KALRN: variants seen among roughly 807,000 people sequenced by gnomAD.
KALRN encodes the protein kalirin RhoGEF kinase.
A neutral mutation model predicts 353.7 loss-of-function variants in KALRN; 70 were observed. The ratio of observed to expected loss-of-function variants is 0.20; its 90% confidence interval spans 0.16 to 0.24. KALRN has a LOEUF of 0.24. Among genes scored for constraint, KALRN ranks in the 10% least tolerant of loss-of-function variants. The pLI is 1.00. For synonymous variants in KALRN, 1,391 were observed against 1,434.8 expected (o/e 0.97, Z 0.69); for missense variants, 2,791 against 3,756.7 (o/e 0.74, Z 6.72).
At position 124,095,916 on chromosome 3, in the gene KALRN, G is replaced by A. The variant is rs41264645; in HGVS notation, c.73+62103G>A. 389 of 152,164 alleles carry A rather than the reference G, an allele frequency of 2.6e-3. 1 individual carries two copies. The highest frequency in any genetic ancestry group is 3.2e-3 in the Non-Finnish European group (220 of 68,036). The allele number at this position is 152,164 out of a possible 1,614,324, so 9.4% of individuals were successfully genotyped here. A position where few individuals can be genotyped will look rare whatever the true frequency, so the allele number is the denominator to read the frequency against. ...TGTGAGGAATAGTCTTGGTGTGCCG[G>A]GAGATCAATACCAGGTGGAAGCAGA... On this transcript the variant is annotated intron_variant, in intron 1 of 59. Coordinates refer to ENST00000682506, the MANE Select transcript of KALRN (RefSeq NM_001388419.1).
chr3:124,103,959 GAA>G, intron 1 of KALRN, among the ~76,000 whole-genome samples: 1 of 151,924 alleles, frequency 6.6e-6, no homozygotes, highest in African/African-American at 2.4e-5. Context: ...CCATCTCCAA[GAA>G]AAGAGAGAGA....
chr3:124,360,459 C>A (rs1290944218), intron 10 of KALRN, among the ~76,000 whole-genome samples: 3 of 152,224 alleles, frequency 2.0e-5, no homozygotes, highest in African/African-American at 7.2e-5. Flanking sequence ...CTAAAGAATT[C>A]TCTGCCTAGT....
At chr3:124,348,682 C>T (rs987953641) in intron 10 of KALRN, among the ~76,000 whole-genome samples, 3 of 152,200 alleles carry the variant, frequency 2.0e-5, no homozygotes, top group South Asian at 2.1e-4. Context: ...AGCAATTCCA[C>T]TTCAGGCTGT....
At chr3:124,286,139 C>CTTTCTTTCTTTCTTTCTTT (rs1553894155) in intron 5 of KALRN, among the ~76,000 whole-genome samples, 1 of 41,768 alleles carries the variant, frequency 2.4e-5, no homozygotes, top group East Asian at 6.0e-4. Context: ...TTCTTTCTTT[C>CTTTCTTTCTTTCTTTCTTT]CTTTCTTTCT....
intron 28 of KALRN, among the ~76,000 whole-genome samples, chr3:124,484,643 G>C (rs1307586074): frequency 1.3e-5 from 2 of 152,106 alleles, no homozygotes; most frequent in Non-Finnish European, 2.9e-5. Context: ...TGAGAAATGG[G>C]TATACGTTCT....
rs1319825943 is a variant in KALRN, at chr3:124,674,524, A to C, written c.7103A>C (p.His2368Pro). ...MCLVYQPASD[H>P]SPAAEGWVPG... ...CTGGTGTACCAGCCTGCCAGCGACC[A>C]TTCCCCCGCCGCCGAGGGCTGGGTC... Residue 2368 changes from histidine (H) to proline (P), a missense_variant, in exon 49 of 60, where the codon CAT becomes CCT. Physicochemically the swap from His to Pro is moderately conservative, Grantham distance 77. Transcript: ENST00000682506. 2 of 1,613,720 alleles carry C rather than the reference A, an allele frequency of 1.2e-6. No homozygotes were observed. The highest frequency in any genetic ancestry group is 1.7e-6 in the Non-Finnish European group (2 of 1,179,922).
intron 8 of KALRN, among the ~76,000 whole-genome samples, chr3:124,331,347 AC>A (rs2080531678): frequency 6.6e-6 from 1 of 152,212 alleles, no homozygotes; most frequent in Non-Finnish European, 1.5e-5. Flanking sequence ...AAGTGAAGTA[AC>A]TCAGGAATGG....
At chr3:124,713,513 C>T (rs1323288201) in intron 58 of KALRN, among the ~76,000 whole-genome samples, 1 of 152,122 alleles carries the variant, frequency 6.6e-6, no homozygotes, top group Admixed American at 6.5e-5. Context: ...AGACAGGGCT[C>T]TGTGTGTCAA....
At chr3:124,458,296 AG>A (rs1278602557) in intron 23 of KALRN, among the ~76,000 whole-genome samples, 2 of 150,418 alleles carry the variant, frequency 1.3e-5, no homozygotes, top group East Asian at 3.9e-4. Flanking sequence ...AAAAAAAAAA[AG>A]AGAATGCTCT....
At chr3:124,148,190 T>C (rs1011484522) in intron 1 of KALRN, among the ~76,000 whole-genome samples, 3 of 152,104 alleles carry the variant, frequency 2.0e-5, no homozygotes, top group South Asian at 2.1e-4. Flanking sequence ...AGGGGTTCAG[T>C]GGGATGATTA....
intron 1 of KALRN, among the ~76,000 whole-genome samples, chr3:124,086,354 T>TG (rs71270416): frequency 3.0e-4 from 45 of 149,460 alleles, no homozygotes; most frequent in Admixed American, 6.0e-4. Context: ...TGTGTGTGTG[T>TG]TTTTGCTGGG....
chr3:124,403,138 C>T (rs2091080157), intron 13 of KALRN, among the ~76,000 whole-genome samples: 2 of 152,226 alleles, frequency 1.3e-5, no homozygotes, highest in South Asian at 2.1e-4. Context: ...TCCCCCCTTC[C>T]CCGAGGAGCT....
intron 58 of KALRN, among the ~76,000 whole-genome samples, chr3:124,714,304 G>A (rs1438752000): frequency 2.0e-5 from 3 of 152,152 alleles, no homozygotes; most frequent in Non-Finnish European, 4.4e-5. Context: ...CTGTGCTTGT[G>A]TTCCAGTGAA....
intron 10 of KALRN, among the ~76,000 whole-genome samples, chr3:124,357,654 T>C (rs1357370580): frequency 6.6e-6 from 1 of 152,186 alleles, no homozygotes; most frequent in Non-Finnish European, 1.5e-5. Context: ...TAGGAAGCCC[T>C]CAGTAGCCTC....
At chr3:124,381,510 A>C (rs1470985030) in intron 10 of KALRN, among the ~76,000 whole-genome samples, 1 of 152,168 alleles carries the variant, frequency 6.6e-6, no homozygotes, top group African/African-American at 2.4e-5. Flanking sequence ...TTCTACTAGT[A>C]ATGGGGAAGA....
intron 1 of KALRN, among the ~76,000 whole-genome samples, chr3:124,124,149 T>C (rs571363850): frequency 1.3e-5 from 2 of 152,294 alleles, no homozygotes; most frequent in Non-Finnish European, 2.9e-5. Context: ...GGATTCATCA[T>C]TGTAGATGCC....
At chr3:124,228,391 A>T (rs912008533) in intron 2 of KALRN, among the ~76,000 whole-genome samples, 11 of 152,170 alleles carry the variant, frequency 7.2e-5, no homozygotes, top group African/African-American at 9.7e-5. Context: ...ATCTGAGTTC[A>T]TTTCTGCATG....
chr3:124,123,108 G>A lies in KALRN; in HGVS notation c.73+89295G>A, dbSNP rs143721634. 2.6e-5 allele frequency among the ~76,000 whole-genome samples: 4 copies of A among 151,570 alleles called. No homozygotes were observed. The East Asian group carries it at 7.8e-4, about 29-fold the overall frequency. Reference sequence around the variant, plus strand: ...CCCAGGTACTCAAGGGCTGAGGCAGGAGAATCGCTTGAACATGGGAGGCGG... The same window carrying A: ...CCCAGGTACTCAAGGGCTGAGGCAGAAGAATCGCTTGAACATGGGAGGCGG... On this transcript the variant is annotated intron_variant, in intron 1 of 59. Coordinates refer to ENST00000682506, the MANE Select transcript of KALRN (RefSeq NM_001388419.1).
chr3:124,418,128 GA>G (rs761995616), intron 14 of KALRN, among the ~76,000 whole-genome samples: 32 of 149,552 alleles, frequency 2.1e-4, no homozygotes, highest in East Asian at 8.0e-4. Context: ...AAAAAGGAAA[GA>G]AAAAAAATCT....
Sources: gnomAD v4.1 joint callset for allele counts (sites outside exome capture counted in the v4.1 genomes callset) on GRCh38, gnomAD v4.1.1 for gene constraint, MANE v1.5 for transcripts, NCBI Gene and HGNC (gene_info 2026-07-23, HGNC 2026-07-21) for gene names.